The following CAMK2B variants were observed in gnomAD, a reference collection of about 807,000 sequenced individuals.
CAMK2B encodes calcium/calmodulin-dependent protein kinase type II subunit beta.
A neutral mutation model predicts 93.7 loss-of-function variants in CAMK2B; 27 were observed. That is an observed-to-expected ratio of 0.29 (90% confidence interval 0.21 to 0.40). The LOEUF (loss-of-function observed/expected upper bound fraction) is 0.40. Among genes scored for constraint, CAMK2B ranks in the 10% least tolerant of loss-of-function variants. The probability of loss-of-function intolerance (pLI) is 1.00; values close to 1 mark genes in which losing one functional copy is unlikely to be tolerated. For missense variants in CAMK2B, 568 were observed against 895.8 expected, an observed-to-expected ratio of 0.63 and a Z score of 4.67; for synonymous variants, 374 against 358.8, an observed-to-expected ratio of 1.04 and a Z score of -0.48.
chr7:44,309,345 G>A (rs1477032515), intron 1 of CAMK2B, among the ~76,000 whole-genome samples: 3 of 152,166 alleles, frequency 2.0e-5, no homozygotes, highest in African/African-American at 7.2e-5. Context: ...CACAGACGGA[G>A]GGTTTAAGGC....
At chr7:44,220,553 A>G in intron 22 of CAMK2B, 63 bp downstream of exon 22, 1 of 1,384,920 alleles carries the variant, frequency 7.2e-7, no homozygotes, top group Non-Finnish European at 1.0e-6. Flanking sequence ...TGTCCCTGGG[A>G]GGGGCCGAGA....
At chr7:44,285,466 C>G (rs1251607864) in intron 1 of CAMK2B, among the ~76,000 whole-genome samples, 1 of 152,170 alleles carries the variant, frequency 6.6e-6, no homozygotes, top group Non-Finnish European at 1.5e-5. Context: ...AACAGCCTCC[C>G]CTCCCAGAAA....
intron 1 of CAMK2B, among the ~76,000 whole-genome samples, chr7:44,314,421 C>T (rs967810773): frequency 2.0e-5 from 3 of 152,218 alleles, no homozygotes; most frequent in East Asian, 1.9e-4. Context: ...ACGTTTTGAA[C>T]GTTCGTCCAC....
chr7:44,254,093 A>T (rs924514826), intron 5 of CAMK2B, among the ~76,000 whole-genome samples: 1 of 152,016 alleles, frequency 6.6e-6, no homozygotes, highest in Admixed American at 6.5e-5. Flanking sequence ...GCTTCCAGGG[A>T]CAGGGCCCTG....
chr7:44,228,387 G>T (rs866890038), intron 19 of CAMK2B, among the ~76,000 whole-genome samples: 8 of 152,256 alleles, frequency 5.3e-5, no homozygotes, highest in Middle Eastern at 3.4e-3. Flanking sequence ...GTGGCCCTGA[G>T]TGCAGCTCCT....
rs2096466778 is a variant in CAMK2B at position 44,225,684 on chromosome 7, G to A, written c.1597+832C>T. On this transcript the variant is annotated intron_variant, in intron 20 of 23. Transcript: ENST00000395749. The surrounding 1 kb of genome is among the most constrained non-coding windows in gnomAD (Gnocchi z 5.0). Reference sequence around the variant, plus strand: ...ACTCTCCCCACACCCTTCTGCCCTGGCCGCCTGCAGCAGCCCCCAGGCCCA... The same window carrying A: ...ACTCTCCCCACACCCTTCTGCCCTGACCGCCTGCAGCAGCCCCCAGGCCCA... 1.3e-5 allele frequency: 16 copies of A among 1,250,524 alleles called. No homozygotes were observed. In the South Asian group the frequency reaches 2.0e-4, roughly 16 times the overall value. 77.5% of individuals were successfully genotyped at this position (1,250,524 alleles called of 1,614,324 possible).
chr7:44,293,569 G>A (rs796477104), intron 1 of CAMK2B, among the ~76,000 whole-genome samples: 27 of 152,314 alleles, frequency 1.8e-4, no homozygotes, highest in African/African-American at 6.0e-4. Context: ...ACAGACTGGG[G>A]CAAGGGCTAG....
At chr7:44,295,768 C>T (rs141699466) in intron 1 of CAMK2B, among the ~76,000 whole-genome samples, 3 of 152,326 alleles carry the variant, frequency 2.0e-5, no homozygotes, top group Non-Finnish European at 4.4e-5. Flanking sequence ...TATCTTACTA[C>T]AGCCCAACCT....
At position 44,263,061 on chromosome 7, in the gene CAMK2B, T is replaced by A; in HGVS notation, c.164A>T (p.His55Leu). 6.2e-7 allele frequency: 1 copy of A among 1,613,484 alleles called. No homozygotes were observed. The highest frequency in any genetic ancestry group is 8.5e-7 in the Non-Finnish European group (1 of 1,179,688). The change falls in exon 3 of 24, where the codon CAC becomes CTC. Residue 55 changes from histidine to leucine, a missense_variant. This residue lies in a region of CAMK2B where 105 missense variants were observed against 372.4 expected (regional missense o/e 0.28). Coordinates refer to ENST00000395749, the MANE Select transcript of CAMK2B (RefSeq NM_001220.5). ...INTKKLSARD[H>L]QKLEREARIC... ...CCGAGCCTCTCTCTCCAGCTTCTGG[T>A]GATCTGGGGGACAGGAAAAACAAGG...
chr7:44,324,571 C>A (rs1012272892), intron 1 of CAMK2B, among the ~76,000 whole-genome samples: 4 of 152,236 alleles, frequency 2.6e-5, no homozygotes, highest in Non-Finnish European at 5.9e-5. Flanking sequence ...CCCGTGAGGT[C>A]CCACTTCAAA....
chr7:44,225,914 T>C lies in CAMK2B; in HGVS notation c.1597+602A>G, dbSNP rs2096470236. ...TCCCTGTAAGTGATACTGCGGGTAGTCGGCAGACAGACCGGGAGGTGGCCC... is the reference window on the plus strand; with the variant it reads ...TCCCTGTAAGTGATACTGCGGGTAGCCGGCAGACAGACCGGGAGGTGGCCC... On this transcript the variant is annotated intron_variant, in intron 20 of 23. Coordinates refer to ENST00000395749, the MANE Select transcript of CAMK2B (RefSeq NM_001220.5). This position sits in a 1 kb window ranked among gnomAD's most constrained non-coding sequence, Gnocchi z 5.0. 7.8e-7 allele frequency: 1 copy of C among 1,283,434 alleles called. No homozygotes were observed. The allele number at this position is 1,283,434 out of a possible 1,614,324, so 79.5% of individuals were successfully genotyped here.
intron 1 of CAMK2B, among the ~76,000 whole-genome samples, chr7:44,300,983 G>T (rs1324890135): frequency 6.6e-6 from 1 of 152,062 alleles, no homozygotes; most frequent in African/African-American, 2.4e-5. Context: ...AAGATAGCTG[G>T]AAAAGCCCAA....
Position 44,225,755 on chromosome 7 carries a change from G to A in CAMK2B, c.1597+761C>T. On this transcript the variant is annotated intron_variant, in intron 20 of 23. Transcript: ENST00000395749. This position sits in a 1 kb window ranked among gnomAD's most constrained non-coding sequence, Gnocchi z 5.0. ...CAAGCAGACCCCACCTGTCCCTCAA[G>A]TACTTACCTAGCCACTGCCCTGCCA... 7.8e-7 allele frequency: 1 copy of A among 1,289,392 alleles called. No individual in the cohort carries two copies. Among genetic ancestry groups the A allele is most frequent in the Non-Finnish European group, 1.0e-6 (1 of 988,760 alleles). 79.9% of individuals were successfully genotyped at this position (1,289,392 alleles called of 1,614,324 possible).
intron 1 of CAMK2B, among the ~76,000 whole-genome samples, chr7:44,298,896 A>G (rs1173186994): frequency 6.6e-6 from 1 of 152,202 alleles, no homozygotes; most frequent in Non-Finnish European, 1.5e-5. Context: ...GAAAATAACA[A>G]GTGTTGGTGA....
Position 44,228,912 on chromosome 7 carries a change from G to A in CAMK2B, c.1352C>T (p.Ser451Phe). 2 of 1,609,650 alleles carry A rather than the reference G, an allele frequency of 1.2e-6. No individual in the cohort carries two copies. Among genetic ancestry groups the A allele is most frequent in the Non-Finnish European group, 1.7e-6 (2 of 1,178,030 alleles). ...CCTTCTCACAGAGTTCAGGATGTCA[G>A]AGATCCTGGGGGCTGGGGTGGAACA... ...SPLPAPSPRISDILNSVRRGS... is the reference protein window; with the variant it reads ...SPLPAPSPRIFDILNSVRRGS... Residue 451 changes from serine (S) to phenylalanine (F), a missense_variant, in exon 19 of 24, where the codon TCT (serine) becomes TTT (phenylalanine). Ser to Phe is a radical substitution (Grantham distance 155). Transcript: ENST00000395749.
intron 5 of CAMK2B, among the ~76,000 whole-genome samples, chr7:44,249,763 C>G (rs1269781993): frequency 6.6e-6 from 1 of 152,174 alleles, no homozygotes; most frequent in Non-Finnish European, 1.5e-5. Flanking sequence ...CCTTCCTCAT[C>G]GACCTTCTTT....
chr7:44,241,125 C>T (rs937100234), intron 11 of CAMK2B, among the ~76,000 whole-genome samples: 3 of 152,162 alleles, frequency 2.0e-5, no homozygotes, highest in African/African-American at 7.2e-5. Flanking sequence ...CCTGGGGCTT[C>T]CGGGGAGAAC....
intron 1 of CAMK2B, among the ~76,000 whole-genome samples, chr7:44,308,840 C>A (rs1370005471): frequency 6.6e-6 from 1 of 152,216 alleles, no homozygotes; most frequent in Non-Finnish European, 1.5e-5. Context: ...TCTCTCCTCA[C>A]AAGAGACCAG....
chr7:44,284,940 C>G (rs556820179), intron 1 of CAMK2B, among the ~76,000 whole-genome samples: 1 of 151,974 alleles, frequency 6.6e-6, no homozygotes, highest in Admixed American at 6.6e-5. Flanking sequence ...GGAGGAGGGA[C>G]GGGGGACAGA....
Sources: gnomAD v4.1 joint callset for allele counts (sites outside exome capture counted in the v4.1 genomes callset) on GRCh38, gnomAD v4.1.1 for gene constraint, gnomAD v4.1.1 regional missense constraint, Gnocchi (gnomAD v3.1) non-coding constraint, MANE v1.5 for transcripts, NCBI Gene and HGNC (gene_info 2026-07-23, HGNC 2026-07-21) for gene names.